Variants in GRIP2 observed in about 807,000 individuals in gnomAD.
GRIP2 encodes glutamate receptor-interacting protein 2.
A neutral mutation model predicts 108.3 loss-of-function variants in GRIP2; 58 were observed. That is an observed-to-expected ratio of 0.54 (90% CI 0.43 to 0.67). The LOEUF (loss-of-function observed/expected upper bound fraction) is 0.67, where lower values mean the gene tolerates loss of function less well. Among genes scored for constraint, GRIP2 ranks in the 30% least tolerant of loss-of-function variants. The probability of loss-of-function intolerance (pLI) is 0.00; values close to 1 mark genes in which losing one functional copy is unlikely to be tolerated. For missense variants in GRIP2, 1,278 were observed against 1,430.6 expected, an observed-to-expected ratio of 0.89 and a Z score of 1.72; for synonymous variants, 586 against 598.2, an observed-to-expected ratio of 0.98 and a Z score of 0.30.
At chr3:14,566,017 C>A in the GRIP2 span, among the ~76,000 whole-genome samples, 1 of 152,214 alleles carries the variant, frequency 6.6e-6, no homozygotes, top group Non-Finnish European at 1.5e-5. Context: ...GGCTTCTAGC[C>A]TCAGATGAAG....
chr3:14,505,886 G>T lies in GRIP2; in HGVS notation c.2399-97C>A, dbSNP rs1480969367. ...TGTGCTGAGTGACCCTGGGGAGGTC[G>T]TTGCTCCTCTCTGGGCCTGCATCTA... On this transcript the variant is annotated intron_variant, in intron 19 of 23. Transcript: ENST00000621039. This position sits in a 1 kb window ranked among gnomAD's most constrained non-coding sequence, Gnocchi z 4.2. 1 of 1,176,074 alleles carries T rather than the reference G, an allele frequency of 8.5e-7. No individual in the cohort carries two copies. The highest frequency in any genetic ancestry group is 1.2e-6 in the Non-Finnish European group (1 of 867,276). The allele number at this position is 1,176,074 out of a possible 1,614,324, so 72.9% of individuals were successfully genotyped here.
chr3:14,511,124 G>A lies in GRIP2; in HGVS notation c.1933+41C>T. ...CAAGCTGGGAACCCGCTAGTCAAAGGGTGGGCCTCTGGAGGTAGGAGGCCA... is the reference window on the plus strand; with the variant it reads ...CAAGCTGGGAACCCGCTAGTCAAAGAGTGGGCCTCTGGAGGTAGGAGGCCA... On this transcript the variant is annotated intron_variant, in intron 16 of 23. Coordinates refer to ENST00000621039, the MANE Select transcript of GRIP2 (RefSeq NM_001080423.4). The surrounding 1 kb of genome is among the most constrained non-coding windows in gnomAD (Gnocchi z 4.1). The A allele has an allele frequency of 6.2e-7, 1 of 1,608,802 alleles. No homozygotes were observed. Among genetic ancestry groups the A allele is most frequent in the Non-Finnish European group, 8.5e-7 (1 of 1,177,094 alleles).
chr3:14,591,859 G>C, the GRIP2 span, among the ~76,000 whole-genome samples: 2 of 152,194 alleles, frequency 1.3e-5, no homozygotes, highest in African/African-American at 4.8e-5. Context: ...GTCAAGAAAA[G>C]TAGAGAAGAG....
At chr3:14,589,185 T>C in the GRIP2 span, among the ~76,000 whole-genome samples, 9 of 151,672 alleles carry the variant, frequency 5.9e-5, no homozygotes, top group South Asian at 1.5e-3. Context: ...ACGGGTGCAC[T>C]GGGGACGTCT....
chr3:14,515,819 T>C (rs1380130550), intron 11 of GRIP2, among the ~76,000 whole-genome samples: 1 of 151,978 alleles, frequency 6.6e-6, no homozygotes, highest in East Asian at 1.9e-4. Flanking sequence ...TTGGTAGAGA[T>C]GGAGTTTCGC....
intron 13 of GRIP2, 82 bp downstream of exon 13, chr3:14,513,583 G>A (rs747116007): frequency 5.2e-5 from 77 of 1,488,240 alleles, no homozygotes; most frequent in Non-Finnish European, 6.3e-5. Flanking sequence ...GGGGTGGAGC[G>A]TTTGCACAGG....
chr3:14,585,373 T>C, the GRIP2 span, among the ~76,000 whole-genome samples: 6 of 152,372 alleles, frequency 3.9e-5, no homozygotes, highest in South Asian at 4.1e-4. Flanking sequence ...TTTGATTTAA[T>C]ATATTTGAAC....
intron 1 of GRIP2, among the ~76,000 whole-genome samples, chr3:14,537,525 AT>A (rs1360658814): frequency 1.3e-5 from 2 of 152,222 alleles, no homozygotes; most frequent in East Asian, 1.9e-4. Context: ...CTCAGCAAAT[AT>A]TTTTTTAATT....
At chr3:14,514,551 C>A in intron 11 of GRIP2, 73 bp from the exon 12 acceptor site, 1 of 1,438,802 alleles carries the variant, frequency 7.0e-7, no homozygotes, top group Non-Finnish European at 9.3e-7. Context: ...CTGCCCATCC[C>A]GGGGCCCTAG....
At chr3:14,502,419 A>G (rs1002095812) in intron 21 of GRIP2, among the ~76,000 whole-genome samples, 1 of 151,874 alleles carries the variant, frequency 6.6e-6, no homozygotes, top group Non-Finnish European at 1.5e-5. Flanking sequence ...ACTTGAACCC[A>G]GGAGGTGGAG....
the GRIP2 span, among the ~76,000 whole-genome samples, chr3:14,570,765 G>A: frequency 6.6e-6 from 1 of 152,206 alleles, no homozygotes; most frequent in Non-Finnish European, 1.5e-5. Context: ...AGCCCAAGAG[G>A]CACTGCTTTT....
At chr3:14,574,371 C>T in the GRIP2 span, 82 of 932,072 alleles carry the variant, frequency 8.8e-5, no homozygotes, top group Middle Eastern at 2.4e-3. Context: ...CCGCCGCGGC[C>T]CCGCGGTGCT....
chr3:14,567,800 GACAA>G, the GRIP2 span, among the ~76,000 whole-genome samples: 5 of 152,220 alleles, frequency 3.3e-5, no homozygotes, highest in African/African-American at 7.2e-5. Flanking sequence ...TACGCAGAGA[GACAA>G]ACAAAGACAT....
chr3:14,527,090 G>A (rs2124932880), intron 1 of GRIP2, among the ~76,000 whole-genome samples: 1 of 152,282 alleles, frequency 6.6e-6, no homozygotes, highest in Non-Finnish European at 1.5e-5. Flanking sequence ...AGGAGGCTGA[G>A]GTAGGGGAAT....
At chr3:14,501,281 A>T (rs956523389) in intron 21 of GRIP2, among the ~76,000 whole-genome samples, 23 of 152,232 alleles carry the variant, frequency 1.5e-4, no homozygotes, top group African/African-American at 5.1e-4. Context: ...AGTGCTGATG[A>T]TTGCACAACA....
the GRIP2 span, among the ~76,000 whole-genome samples, chr3:14,569,031 TA>T: frequency 6.6e-6 from 1 of 151,994 alleles, no homozygotes; most frequent in African/African-American, 2.4e-5. Context: ...GCTAGCAGAG[TA>T]ATCAATCCAG....
upstream of GRIP2, among the ~76,000 whole-genome samples, chr3:14,544,976 C>A (rs1019004108): frequency 6.6e-6 from 1 of 152,184 alleles, no homozygotes; most frequent in Non-Finnish European, 1.5e-5. Flanking sequence ...GGAGGAGCTT[C>A]AGGAGTAGTG....
At chr3:14,514,623 C>T in intron 11 of GRIP2, 145 bp from the exon 12 acceptor site, 1 of 757,014 alleles carries the variant, frequency 1.3e-6, no homozygotes. Flanking sequence ...AGACAGATCA[C>T]AGCTCACTCT....
intron 1 of GRIP2, among the ~76,000 whole-genome samples, chr3:14,537,533 A>G (rs1694862200): frequency 6.6e-6 from 1 of 152,270 alleles, no homozygotes; most frequent in South Asian, 2.1e-4. Flanking sequence ...ATATTTTTTT[A>G]ATTCAATTCC....
Sources: allele counts gnomAD v4.1 joint callset (sites outside exome capture counted in the v4.1 genomes callset), GRCh38; gene constraint gnomAD v4.1.1; non-coding constraint Gnocchi (gnomAD v3.1); transcripts MANE v1.5; gene names NCBI Gene and HGNC (gene_info 2026-07-23, HGNC 2026-07-21).